MAPT: variants seen among roughly 807,000 people sequenced by gnomAD.
MAPT encodes the protein microtubule associated protein tau.
MAPT carries 34 observed loss-of-function variants against 67.9 expected under a neutral mutation model. The observed-to-expected ratio is 0.50, with a 90% CI of 0.38 to 0.67. The LOEUF (loss-of-function observed/expected upper bound fraction) is 0.67. MAPT is among the 30% of genes least tolerant of loss of function. The probability of loss-of-function intolerance (pLI) is 0.00; values close to 1 mark genes in which losing one functional copy is unlikely to be tolerated. For missense variants in MAPT, 881 were observed against 1,115.2 expected (o/e 0.79, Z 2.99); for synonymous variants, 456 against 464.5 (o/e 0.98, Z 0.23).
intron 9 of MAPT, among the ~76,000 whole-genome samples, chr17:46,003,318 AC>A (rs1264944306): frequency 1.3e-5 from 2 of 151,128 alleles, no homozygotes; most frequent in African/African-American, 4.9e-5. Context: ...TCACTCTGTC[AC>A]CCAGGCTGGA....
At chr17:45,967,035 C>A (rs561869066) in intron 2 of MAPT, among the ~76,000 whole-genome samples, 1 of 152,300 alleles carries the variant, frequency 6.6e-6, no homozygotes, top group African/African-American at 2.4e-5. Context: ...CAGAAGGTGT[C>A]ACTTTACTAA....
At chr17:45,929,202 A>T (rs1400299189) in intron 1 of MAPT, among the ~76,000 whole-genome samples, 3 of 152,174 alleles carry the variant, frequency 2.0e-5, no homozygotes, top group Non-Finnish European at 1.5e-5. Flanking sequence ...TATTTCATGA[A>T]ATTTCATGTT....
At chr17:45,993,758 C>T (rs989887954) in intron 8 of MAPT, among the ~76,000 whole-genome samples, 4 of 152,224 alleles carry the variant, frequency 2.6e-5, no homozygotes, top group African/African-American at 7.2e-5. Flanking sequence ...ACCTGCTCTT[C>T]GGTGGCTGCC....
chr17:45,998,768 C>T (rs142241771), intron 9 of MAPT, among the ~76,000 whole-genome samples: 48 of 152,248 alleles, frequency 3.2e-4, no homozygotes, highest in African/African-American at 8.4e-4. Context: ...TGCGCTCCCT[C>T]GTCTCCAGAC....
At chr17:45,943,015 G>C (rs1361322410) in intron 1 of MAPT, among the ~76,000 whole-genome samples, 1 of 152,206 alleles carries the variant, frequency 6.6e-6, no homozygotes, top group Non-Finnish European at 1.5e-5. Context: ...CTTTGTCTCT[G>C]TCAGACAGAA....
intron 9 of MAPT, among the ~76,000 whole-genome samples, chr17:46,009,567 AGGGCTGGTGGGTGG>A (rs2146005877): frequency 8.9e-6 from 1 of 112,920 alleles, no homozygotes; most frequent in South Asian, 2.4e-4. Context: ...TGGGTGGGAG[AGGGCTGGTGGGTGG>A]ATGGAAGGAG....
intron 1 of MAPT, among the ~76,000 whole-genome samples, chr17:45,916,413 G>A (rs757629794): frequency 4.6e-5 from 7 of 152,140 alleles, no homozygotes; most frequent in Non-Finnish European, 7.4e-5. Flanking sequence ...GAACTCCCCA[G>A]AACTGTGAGG....
intron 6 of MAPT, among the ~76,000 whole-genome samples, chr17:45,989,038 A>G (rs565389488): frequency 6.6e-6 from 1 of 152,000 alleles, no homozygotes. Context: ...GAATCTTTCC[A>G]ACTTGGGGGG....
chr17:45,989,389 G>C (rs1214775088), intron 6 of MAPT, among the ~76,000 whole-genome samples: 2 of 152,144 alleles, frequency 1.3e-5, no homozygotes, highest in African/African-American at 4.8e-5. Flanking sequence ...GGTGGCTCAC[G>C]CCTGTAATCC....
intron 1 of MAPT, among the ~76,000 whole-genome samples, chr17:45,955,401 A>G (rs746004695): frequency 1.3e-4 from 20 of 152,136 alleles, no homozygotes; most frequent in Non-Finnish European, 2.4e-4. Flanking sequence ...TCAGCTCCCT[A>G]TGAACAGTTG....
At chr17:45,955,157 A>G (rs2069495530) in intron 1 of MAPT, among the ~76,000 whole-genome samples, 1 of 152,052 alleles carries the variant, frequency 6.6e-6, no homozygotes, top group Non-Finnish European at 1.5e-5. Flanking sequence ...AAAACAACCC[A>G]CCCTTGTCCA....
chr17:45,978,141 G>T, intron 3 of MAPT: 1 of 578,786 alleles, frequency 1.7e-6, no homozygotes, highest in Non-Finnish European at 3.1e-6. Flanking sequence ...TTCCTACTAG[G>T]TCATAGCTAC....
chr17:45,978,026 C>T, intron 3 of MAPT: 4 of 318,062 alleles, frequency 1.3e-5, no homozygotes, highest in Non-Finnish European at 1.8e-5. Flanking sequence ...GACACAGCCT[C>T]CACAACCATG....
intron 1 of MAPT, among the ~76,000 whole-genome samples, chr17:45,909,996 G>A (rs892982057): frequency 6.6e-6 from 1 of 151,984 alleles, no homozygotes; most frequent in African/African-American, 2.4e-5. Context: ...AGCTGAGATC[G>A]CGCCACTGCA....
intron 1 of MAPT, among the ~76,000 whole-genome samples, chr17:45,914,373 T>A (rs1418220434): frequency 6.6e-6 from 1 of 152,204 alleles, no homozygotes; most frequent in Non-Finnish European, 1.5e-5. Context: ...CACTGGTGAA[T>A]CATCTGTTAT....
At position 45,999,535 on chromosome 17, in the gene MAPT, A is replaced by G. The variant is rs760330765; in HGVS notation, c.1998+2871A>G. The G allele has an allele frequency of 6.2e-7, 1 of 1,613,762 alleles. No individual in the cohort carries two copies. The highest frequency in any genetic ancestry group is 1.3e-5 in the African/African-American group (1 of 75,062). Reference sequence around the variant, plus strand: ...TTACAGCTCTGAAGAGAGCAGCAGGAATGGGGCTGAGCAGGGAAGACAACT... The same window carrying G: ...TTACAGCTCTGAAGAGAGCAGCAGGGATGGGGCTGAGCAGGGAAGACAACT... On this transcript the variant is annotated intron_variant, in intron 9 of 12. Coordinates refer to ENST00000262410, the MANE Select transcript of MAPT (RefSeq NM_001377265.1).
At chr17:45,985,836 G>A in intron 5 of MAPT, 1 of 449,938 alleles carries the variant, frequency 2.2e-6, no homozygotes, top group Non-Finnish European at 2.9e-6. Context: ...AAGCCTGGGA[G>A]TCTTTTAGCA....
intron 1 of MAPT, among the ~76,000 whole-genome samples, chr17:45,903,711 TC>T (rs1163831846): frequency 1.2e-5 from 1 of 85,988 alleles, no homozygotes; most frequent in Middle Eastern, 7.5e-3. Flanking sequence ...CTAGACTTCT[TC>T]TCAAAAAAAA....
At chr17:45,947,983 A>G (rs948890035) in intron 1 of MAPT, among the ~76,000 whole-genome samples, 11 of 150,062 alleles carry the variant, frequency 7.3e-5, no homozygotes, top group African/African-American at 2.7e-4. Context: ...CCATTTAATG[A>G]CTAGGTTTTT....
Sources: gnomAD v4.1 joint callset for allele counts (sites outside exome capture counted in the v4.1 genomes callset) on GRCh38, gnomAD v4.1.1 for gene constraint, MANE v1.5 for transcripts, NCBI Gene and HGNC (gene_info 2026-07-23, HGNC 2026-07-21) for gene names.